Variants in SCAPER observed in about 807,000 individuals in gnomAD.
SCAPER encodes S-phase cyclin A associated protein in the ER.
In SCAPER, 98 loss-of-function variants were observed where a neutral mutation model predicts 182.2. That is an observed-to-expected ratio of 0.54 (90% CI 0.46 to 0.64). The LOEUF (loss-of-function observed/expected upper bound fraction) is 0.64. Among genes scored for constraint, SCAPER ranks in the 30% least tolerant of loss-of-function variants. The pLI is 0.00. For missense variants in SCAPER, 1,432 were observed against 1,690.0 expected (o/e 0.85, Z 2.68); for synonymous variants, 605 against 564.6 (o/e 1.07, Z -1.01).
Position 76,598,790 on chromosome 15 carries a change from G to A in SCAPER, c.2711+22974C>T, listed in dbSNP as rs573072073. Among the ~76,000 whole-genome samples the A allele has an allele frequency of 1.2e-4, 14 of 119,724 alleles. 3 individuals are homozygous for A. Among genetic ancestry groups the A allele is most frequent in the African/African-American group, 1.8e-4 (7 of 39,482 alleles). 78.5% of individuals were successfully genotyped at this position (119,724 alleles called of 152,430 possible). ...CACAGGGAAGGAAACATCACACACC[G>A]GGGCCTGTTGGGGTTAGGGGGATAG... On this transcript the variant is annotated intron_variant, in intron 22 of 31. Coordinates refer to ENST00000563290, the MANE Select transcript of SCAPER (RefSeq NM_020843.4).
At chr15:76,387,100 C>T (rs955350773) in intron 27 of SCAPER, among the ~76,000 whole-genome samples, 3 of 152,134 alleles carry the variant, frequency 2.0e-5, no homozygotes, top group African/African-American at 2.4e-5. Flanking sequence ...AATATTCAGA[C>T]GGGCAAGCCA....
At chr15:76,415,760 C>T (rs1394481764) in intron 26 of SCAPER, among the ~76,000 whole-genome samples, 1 of 151,884 alleles carries the variant, frequency 6.6e-6, no homozygotes, top group Non-Finnish European at 1.5e-5. Flanking sequence ...CAGTGATATA[C>T]CACTTGGGAG....
chr15:76,630,232 AT>A (rs1467981360), intron 21 of SCAPER, among the ~76,000 whole-genome samples: 2 of 151,454 alleles, frequency 1.3e-5, no homozygotes, highest in East Asian at 3.9e-4. Flanking sequence ...TACTTTATCC[AT>A]TTTTTCAAAA....
chr15:76,460,755 G>C (rs942641974), intron 25 of SCAPER, among the ~76,000 whole-genome samples: 3 of 152,066 alleles, frequency 2.0e-5, no homozygotes, highest in African/African-American at 7.2e-5. Context: ...GTAACTTCAA[G>C]TTTAATGACC....
chr15:76,527,450 T>C (rs760345266), intron 23 of SCAPER, among the ~76,000 whole-genome samples: 1 of 152,218 alleles, frequency 6.6e-6, no homozygotes, highest in Admixed American at 6.5e-5. Context: ...ATACTGAAGA[T>C]ATTGCAGATA....
At chr15:76,576,560 T>TA (rs1244320207) in intron 22 of SCAPER, among the ~76,000 whole-genome samples, 2 of 152,096 alleles carry the variant, frequency 1.3e-5, no homozygotes, top group African/African-American at 2.4e-5. Flanking sequence ...ACTATCCACA[T>TA]AAAAAAGTAC....
rs1213826856 is a variant in SCAPER at position 76,586,962 on chromosome 15, T to A, written c.2712-12678A>T. Among the ~76,000 whole-genome samples, 3 of 152,202 alleles carry A rather than the reference T, an allele frequency of 2.0e-5. 1 individual carries two copies. The East Asian group carries it at 5.8e-4, about 29-fold the overall frequency. On this transcript the variant is annotated intron_variant, in intron 22 of 31. Coordinates refer to ENST00000563290, the MANE Select transcript of SCAPER (RefSeq NM_020843.4). The stretch of plus-strand genomic sequence containing the variant: ...TTTTTTTTGTTGTTGTTGATAATTT[T>A]TAAATTATCATTAAATCTCACTGCT...
At chr15:76,776,821 C>G (rs188086868) in intron 8 of SCAPER, among the ~76,000 whole-genome samples, 1 of 152,056 alleles carries the variant, frequency 6.6e-6, no homozygotes, top group East Asian at 1.9e-4. Context: ...ATCACAAGAC[C>G]AAGAACAATC....
intron 23 of SCAPER, among the ~76,000 whole-genome samples, chr15:76,557,341 T>C (rs1355922928): frequency 2.0e-5 from 3 of 152,188 alleles, no homozygotes; most frequent in Non-Finnish European, 4.4e-5. Flanking sequence ...AGATATCACA[T>C]TGCCCAGCTT....
At chr15:76,607,836 C>T (rs1488801931) in intron 22 of SCAPER, among the ~76,000 whole-genome samples, 4 of 152,192 alleles carry the variant, frequency 2.6e-5, no homozygotes, top group East Asian at 1.9e-4. Context: ...GCATTCGTCA[C>T]GTAGCTCTTG....
chr15:76,604,454 A>C (rs1343281135), intron 22 of SCAPER, among the ~76,000 whole-genome samples: 3 of 998 alleles, frequency 3.0e-3, no homozygotes, highest in African/African-American at 3.6e-3. Flanking sequence ...GAAGTCAGGT[A>C]AGCGGGATGC....
chr15:76,414,859 T>C (rs981451972), intron 26 of SCAPER, among the ~76,000 whole-genome samples: 1 of 152,232 alleles, frequency 6.6e-6, no homozygotes, highest in Non-Finnish European at 1.5e-5. Context: ...TAGAATTATG[T>C]TGTTCAGTAT....
chr15:76,549,096 C>A (rs2045536450), intron 23 of SCAPER, among the ~76,000 whole-genome samples: 1 of 152,054 alleles, frequency 6.6e-6, no homozygotes, highest in South Asian at 2.1e-4. Context: ...AACAAATTTA[C>A]AAGAAAAAAC....
At chr15:76,512,599 AG>A (rs925734930) in intron 23 of SCAPER, among the ~76,000 whole-genome samples, 21 of 152,094 alleles carry the variant, frequency 1.4e-4, no homozygotes, top group African/African-American at 4.6e-4. Flanking sequence ...GCAGAAGTGG[AG>A]GGGAAAAGGA....
chr15:76,414,265 G>T (rs544273774), intron 26 of SCAPER, among the ~76,000 whole-genome samples: 2 of 152,198 alleles, frequency 1.3e-5, no homozygotes, highest in South Asian at 4.1e-4. Flanking sequence ...GAATTTAGAA[G>T]TAAAGCCATC....
intron 24 of SCAPER, among the ~76,000 whole-genome samples, chr15:76,491,392 T>C (rs562082888): frequency 1.3e-5 from 2 of 152,338 alleles, no homozygotes; most frequent in South Asian, 2.1e-4. Flanking sequence ...CATTCATTTA[T>C]AGTTATAAAT....
intron 23 of SCAPER, among the ~76,000 whole-genome samples, chr15:76,534,557 T>G (rs2043966381): frequency 6.6e-6 from 1 of 152,182 alleles, no homozygotes; most frequent in Non-Finnish European, 1.5e-5. Context: ...TAGTTTCTGG[T>G]TTTTCAGTGA....
chr15:76,697,929 C>T lies in SCAPER; in HGVS notation c.2508+3829G>A, dbSNP rs189931302. 1.5e-3 allele frequency among the ~76,000 whole-genome samples: 233 copies of T among 152,092 alleles called. 1 individual carries two copies. The highest frequency in any genetic ancestry group is 5.2e-3 in the African/African-American group (214 of 41,506). On this transcript the variant is annotated intron_variant, in intron 20 of 31. Transcript: ENST00000563290. ...TGCTGGGATTACAGGCGTGAGCCAC[C>T]GCGCCTGGCCACAAATAATTTTTAT...
chr15:76,354,061 C>T lies in SCAPER; in HGVS notation c.3935G>A (p.Arg1312Gln), dbSNP rs770310196. The T allele has an allele frequency of 8.7e-6, 14 of 1,610,910 alleles. No homozygotes were observed. Among genetic ancestry groups the T allele is most frequent in the South Asian group, 6.6e-5 (6 of 90,564 alleles). ...TGAAGGGAACAGTACTTTGATCAGC[C>T]GTGGGTCACTGAAATACTGGAAGGG... ...QLPFQYFSDP[R>Q]LIKVLFPSLI... The change falls in exon 30 of 32, where the codon CGG (arginine) becomes CAG (glutamine). Residue 1312 changes from arginine (R) to glutamine (Q), a missense_variant. Arg to Gln is a conservative substitution (Grantham distance 43). Transcript: ENST00000563290. The surrounding 1 kb of genome is among the most constrained non-coding windows in gnomAD (Gnocchi z 4.4).
Sources: gnomAD v4.1 joint callset for allele counts (sites outside exome capture counted in the v4.1 genomes callset) on GRCh38, gnomAD v4.1.1 for gene constraint, Gnocchi (gnomAD v3.1) non-coding constraint, MANE v1.5 for transcripts, NCBI Gene and HGNC (gene_info 2026-07-23, HGNC 2026-07-21) for gene names.